Variants in MGAT4A observed in about 807,000 individuals in gnomAD.
The protein encoded by MGAT4A is N-acetylglucosaminyltransferase IVa.
Under a neutral mutation model 74.1 loss-of-function variants are expected in MGAT4A, and 33 were observed. The observed-to-expected ratio is 0.45, with a 90% CI of 0.34 to 0.60. MGAT4A has a LOEUF of 0.60. Among genes scored for constraint, MGAT4A ranks in the 20% least tolerant of loss-of-function variants. The pLI, the probability that MGAT4A is intolerant of heterozygous loss-of-function variation, is 0.02. For missense variants in MGAT4A, 479 were observed against 628.3 expected (o/e 0.76, Z 2.54); for synonymous variants, 198 against 210.4 (o/e 0.94, Z 0.51).
chr2:98,715,187 G>A (rs375039914), intron 2 of MGAT4A, among the ~76,000 whole-genome samples: 26 of 151,894 alleles, frequency 1.7e-4, no homozygotes, highest in Non-Finnish European at 2.9e-4. Flanking sequence ...GCATGGTGGC[G>A]CATGCCTGTA....
At position 98,620,417 on chromosome 2, in the gene MGAT4A, T is replaced by A. The variant is rs1475650162; in HGVS notation, c.*5149A>T. The stretch of plus-strand genomic sequence containing the variant: ...ATGGTTATGACTCACATTTCTCATC[T>A]TCTGACAGTCTTAACCTCTCATTTT... On this transcript the variant is annotated 3_prime_UTR_variant, in exon 16 of 16. Transcript: ENST00000393487. 6.6e-6 allele frequency: 1 copy of A among 152,228 alleles called. No individual in the cohort carries two copies. Among genetic ancestry groups the A allele is most frequent in the Non-Finnish European group, 1.5e-5 (1 of 68,036 alleles). 9.4% of individuals were successfully genotyped at this position (152,228 alleles called of 1,614,324 possible).
intron 2 of MGAT4A, among the ~76,000 whole-genome samples, chr2:98,709,081 T>C (rs1239949877): frequency 2.0e-5 from 3 of 152,210 alleles, no homozygotes; most frequent in African/African-American, 2.4e-5. Context: ...AGTCATCTCA[T>C]ATAGCTGGAT....
At chr2:98,698,903 C>G (rs1702312842) in intron 2 of MGAT4A, among the ~76,000 whole-genome samples, 1 of 152,162 alleles carries the variant, frequency 6.6e-6, no homozygotes, top group African/African-American at 2.4e-5. Context: ...TTGTTAACTA[C>G]ACTATTTTAT....
intron 8 of MGAT4A, among the ~76,000 whole-genome samples, chr2:98,654,385 G>A (rs910462096): frequency 6.6e-6 from 1 of 152,074 alleles, no homozygotes; most frequent in Non-Finnish European, 1.5e-5. Context: ...ATTATTTGCA[G>A]ATGAAATAAT....
Position 98,622,561 on chromosome 2 carries a change from T to C in MGAT4A, c.*3005A>G, listed in dbSNP as rs1178956051. The C allele has an allele frequency of 4.1e-6, 4 of 985,306 alleles. No homozygotes were observed. The highest frequency in any genetic ancestry group is 1.7e-5 in the African/African-American group (1 of 57,218). 61.0% of individuals were successfully genotyped at this position (985,306 alleles called of 1,614,324 possible). ...TCCAGGGACTCTTCCCCTCCCTTAA[T>C]CTTCTGCCCTCACACTGCTCTTAAG... is the stretch of plus-strand genomic sequence containing the variant. On this transcript the variant is annotated 3_prime_UTR_variant, in exon 16 of 16. Transcript: ENST00000393487.
At chr2:98,628,512 C>T (rs1306633852) in intron 14 of MGAT4A, among the ~76,000 whole-genome samples, 3 of 152,196 alleles carry the variant, frequency 2.0e-5, no homozygotes, top group Non-Finnish European at 4.4e-5. Flanking sequence ...ACTTTGGGAA[C>T]AGCCTCATTT....
chr2:98,645,106 T>C (rs2104242745), intron 9 of MGAT4A, among the ~76,000 whole-genome samples: 1 of 152,380 alleles, frequency 6.6e-6, no homozygotes, highest in South Asian at 2.1e-4. Flanking sequence ...CTTTGTGGTA[T>C]TGTTTTTAAA....
intron 10 of MGAT4A, among the ~76,000 whole-genome samples, chr2:98,642,413 G>A (rs1701423939): frequency 6.6e-6 from 1 of 152,210 alleles, no homozygotes; most frequent in Non-Finnish European, 1.5e-5. Context: ...CGAGATTCTA[G>A]GGGAAGCAAC....
At chr2:98,658,712 AC>A in intron 5 of MGAT4A, among the ~76,000 whole-genome samples, 1 of 152,350 alleles carries the variant, frequency 6.6e-6, no homozygotes, top group South Asian at 2.1e-4. Context: ...AAAAGGAAAT[AC>A]CTTACAGATT....
At chr2:98,705,948 CAAAA>C (rs35710005) in intron 2 of MGAT4A, among the ~76,000 whole-genome samples, 3 of 47,508 alleles carry the variant, frequency 6.3e-5, no homozygotes, top group South Asian at 7.6e-4. Context: ...GACTCCGTCT[CAAAA>C]AAAAAAAAAA....
chr2:98,681,139 T>C (rs369777707), intron 2 of MGAT4A, among the ~76,000 whole-genome samples: 6 of 152,062 alleles, frequency 3.9e-5, no homozygotes, highest in Admixed American at 6.5e-5. Context: ...CCCGCCACCA[T>C]GCCCGGCTAA....
chr2:98,681,183 G>A (rs10207287), intron 2 of MGAT4A, among the ~76,000 whole-genome samples: 51,348 of 151,892 alleles, frequency 0.34, 8,990 homozygotes, highest in African/African-American at 0.36. Flanking sequence ...GTGTTTCACC[G>A]TGTTAGCCAG....
intron 2 of MGAT4A, among the ~76,000 whole-genome samples, chr2:98,706,108 A>G (rs560153379): frequency 6.6e-6 from 1 of 152,262 alleles, no homozygotes; most frequent in East Asian, 1.9e-4. Flanking sequence ...TGTGCCCTAA[A>G]TGCTATCCAC....
In MGAT4A at chr2:98,624,158, A is replaced by G. The variant is rs1575236852; in HGVS notation, c.*1408T>C. ...CTCCCAAGTAGCTGGGATTACAGGCACCTGCCACCACGCCTGGCTAATTTT... is the reference window on the plus strand; with the variant it reads ...CTCCCAAGTAGCTGGGATTACAGGCGCCTGCCACCACGCCTGGCTAATTTT... On this transcript the variant is annotated 3_prime_UTR_variant, in exon 16 of 16. Transcript: ENST00000393487. 2.0e-6 allele frequency: 1 copy of G among 510,032 alleles called. No homozygotes were observed. The highest frequency in any genetic ancestry group is 2.1e-5 in the African/African-American group (1 of 47,836). The allele number at this position is 510,032 out of a possible 1,614,324, so 31.6% of individuals were successfully genotyped here. A position where few individuals can be genotyped will look rare whatever the true frequency, so the allele number is the denominator to read the frequency against.
chr2:98,693,865 T>C (rs541070127), intron 2 of MGAT4A, among the ~76,000 whole-genome samples: 2 of 152,118 alleles, frequency 1.3e-5, no homozygotes, highest in South Asian at 4.1e-4. Flanking sequence ...ACACTACAGA[T>C]GCATCAAAAT....
intron 14 of MGAT4A, among the ~76,000 whole-genome samples, chr2:98,629,059 CTTT>C (rs1032430878): frequency 5.3e-5 from 8 of 152,134 alleles, no homozygotes; most frequent in Admixed American, 4.6e-4. Flanking sequence ...ATTCTTTTTA[CTTT>C]TTTAGCCATT....
chr2:98,661,569 A>T (rs1286901130), intron 5 of MGAT4A, among the ~76,000 whole-genome samples: 2 of 152,218 alleles, frequency 1.3e-5, no homozygotes, highest in African/African-American at 4.8e-5. Flanking sequence ...CTCTCTGAAG[A>T]CTTGACATTT....
chr2:98,710,613 CCAT>C (rs1225220931), intron 2 of MGAT4A, among the ~76,000 whole-genome samples: 3 of 152,080 alleles, frequency 2.0e-5, no homozygotes, highest in African/African-American at 7.2e-5. Context: ...GCACGCACCA[CCAT>C]GCCTGGCTAA....
At chr2:98,634,522 C>T (rs929598347) in intron 14 of MGAT4A, among the ~76,000 whole-genome samples, 1 of 151,658 alleles carries the variant, frequency 6.6e-6, no homozygotes, top group African/African-American at 2.4e-5. Context: ...GTTCTAGTTA[C>T]ATTTCAGAAA....
Sources: allele counts gnomAD v4.1 joint callset (sites outside exome capture counted in the v4.1 genomes callset), GRCh38; gene constraint gnomAD v4.1.1; transcripts MANE v1.5; gene names NCBI Gene and HGNC (gene_info 2026-07-23, HGNC 2026-07-21).